Variants in TMPRSS11A observed in about 807,000 individuals in gnomAD.
TMPRSS11A encodes transmembrane protease serine 11A.
In TMPRSS11A, 53 loss-of-function variants were observed where a neutral mutation model predicts 58.9. The ratio of observed to expected loss-of-function variants is 0.90; its 90% CI spans 0.72 to 1.13. The LOEUF (loss-of-function observed/expected upper bound fraction) is 1.13, where lower values mean the gene tolerates loss of function less well. TMPRSS11A is among the 50% of genes most tolerant of loss of function. TMPRSS11A has a pLI of 0.00. For synonymous variants in TMPRSS11A, 167 were observed against 169.8 expected (o/e 0.98, Z 0.13); for missense variants, 493 against 499.3 (o/e 0.99, Z 0.12).
chr4:67,926,322 C>T (rs552355496), intron 5 of TMPRSS11A, among the ~76,000 whole-genome samples: 1 of 152,198 alleles, frequency 6.6e-6, no homozygotes, highest in African/African-American at 2.4e-5. Flanking sequence ...AGAATCTCTA[C>T]AGTTTTCTAT....
Position 67,946,531 on chromosome 4 carries a change from A to G in TMPRSS11A, c.52T>C (p.Trp18Arg), listed in dbSNP as rs1171738664. The change falls in exon 2 of 10, where the codon TGG (tryptophan) becomes CGG (arginine). Residue 18 changes from tryptophan (W) to arginine (R), a missense_variant. Transcript: ENST00000508048. The part of the protein sequence containing the change: ...FGTRSRNLKP[W>R]MIAVLIVLSL... The stretch of plus-strand genomic sequence containing the variant: ...AACACAATGAGAACGGCAATCATCC[A>G]TGGCTTCAGATTTCTGCTTCGGGTG... The G allele has an allele frequency of 3.1e-6, 5 of 1,611,992 alleles. No individual in the cohort carries two copies. The South Asian group carries it at 4.4e-5, about 14-fold the overall frequency.
rs138153586 is a variant in TMPRSS11A at position 67,926,472 on chromosome 4, C to T, written c.482-2306G>A. Among the ~76,000 whole-genome samples, 347 of 152,342 alleles carry T rather than the reference C, an allele frequency of 2.3e-3. 3 individuals carry two copies. Among genetic ancestry groups the T allele is most frequent in the African/African-American group, 8.0e-3 (332 of 41,568 alleles). On this transcript the variant is annotated intron_variant, in intron 5 of 9. Coordinates refer to ENST00000508048, the MANE Select transcript of TMPRSS11A (RefSeq NM_001114387.2). Reference sequence around the variant, plus strand: ...GATGGCAGCTACAGGCTGTCTGGAGCAGTGGTAGCAGGAGCGGATGCGGGA... The same window carrying T: ...GATGGCAGCTACAGGCTGTCTGGAGTAGTGGTAGCAGGAGCGGATGCGGGA...
At chr4:67,944,101 A>C (rs1029809322) in intron 3 of TMPRSS11A, among the ~76,000 whole-genome samples, 1 of 152,170 alleles carries the variant, frequency 6.6e-6, no homozygotes, top group African/African-American at 2.4e-5. Context: ...GATGAACGTA[A>C]ATTCTGAAAA....
intron 3 of TMPRSS11A, among the ~76,000 whole-genome samples, chr4:67,943,813 T>G (rs559072634): frequency 6.6e-6 from 1 of 152,164 alleles, no homozygotes; most frequent in South Asian, 2.1e-4. Context: ...GAAAGTGTCT[T>G]AAAAATGGTT....
At chr4:67,944,717 A>G in intron 2 of TMPRSS11A, 80 bp from the exon 3 acceptor site, 3 of 1,137,328 alleles carry the variant, frequency 2.6e-6, no homozygotes, top group Non-Finnish European at 2.5e-6. Flanking sequence ...GCCAATATAA[A>G]TCTTGAATAT....
intron 1 of TMPRSS11A, among the ~76,000 whole-genome samples, chr4:67,959,374 G>A (rs1324407318): frequency 2.6e-5 from 4 of 152,234 alleles, no homozygotes; most frequent in Middle Eastern, 3.4e-3. Context: ...TTAAACTAAA[G>A]AGTATCTGCA....
At chr4:67,924,960 A>G (rs1490557202) in intron 5 of TMPRSS11A, among the ~76,000 whole-genome samples, 1 of 143,472 alleles carries the variant, frequency 7.0e-6, no homozygotes, top group Non-Finnish European at 1.5e-5. Context: ...TTTACTTCGA[A>G]TTTCACATAA....
chr4:67,930,283 A>G (rs1720579759), intron 4 of TMPRSS11A, among the ~76,000 whole-genome samples: 2 of 152,190 alleles, frequency 1.3e-5, no homozygotes, highest in African/African-American at 4.8e-5. Flanking sequence ...TGACAGATAT[A>G]AAAAATCATC....
chr4:67,955,438 T>C (rs1721263181), intron 1 of TMPRSS11A, among the ~76,000 whole-genome samples: 1 of 152,218 alleles, frequency 6.6e-6, no homozygotes, highest in South Asian at 2.1e-4. Context: ...TTGTACGATA[T>C]GGTATCAGGT....
intron 3 of TMPRSS11A, among the ~76,000 whole-genome samples, chr4:67,935,453 CCTCTGT>C (rs1720729421): frequency 1.3e-5 from 2 of 152,064 alleles, no homozygotes; most frequent in African/African-American, 4.8e-5. Flanking sequence ...ACCTGTCTTC[CCTCTGT>C]CTCAATTTTT....
intron 1 of TMPRSS11A, among the ~76,000 whole-genome samples, chr4:67,947,299 T>C (rs1414193172): frequency 6.6e-6 from 1 of 152,198 alleles, no homozygotes; most frequent in Non-Finnish European, 1.5e-5. Context: ...TAATTACACA[T>C]GATTTGTAAA....
At chr4:67,918,927 C>T (rs769898552) in intron 8 of TMPRSS11A, 46 bp downstream of exon 8, 12 of 1,603,678 alleles carry the variant, frequency 7.5e-6, no homozygotes. Context: ...AATCACATTG[C>T]CTTAGACAGG....
At chr4:67,919,686 G>C (rs1285789597) in intron 7 of TMPRSS11A, among the ~76,000 whole-genome samples, 1 of 152,154 alleles carries the variant, frequency 6.6e-6, no homozygotes, top group Non-Finnish European at 1.5e-5. Flanking sequence ...AAATAAAATA[G>C]GGTAACGGAA....
intron 5 of TMPRSS11A, among the ~76,000 whole-genome samples, chr4:67,928,517 T>C (rs1451492287): frequency 6.6e-6 from 1 of 152,252 alleles, no homozygotes; most frequent in Non-Finnish European, 1.5e-5. Context: ...GCTTTTACAT[T>C]CCTGACAAAT....
At chr4:67,922,555 T>C (rs1031109881) in intron 7 of TMPRSS11A, among the ~76,000 whole-genome samples, 200 bp downstream of exon 7, 8 of 152,212 alleles carry the variant, frequency 5.3e-5, no homozygotes, top group African/African-American at 1.9e-4. Flanking sequence ...GATTGATGGA[T>C]ACTAGGATAA....
intron 5 of TMPRSS11A, among the ~76,000 whole-genome samples, chr4:67,924,717 C>G (rs1720421218): frequency 6.6e-6 from 1 of 152,162 alleles, no homozygotes; most frequent in Admixed American, 6.5e-5. Flanking sequence ...AAAGGGGAAG[C>G]CTCTTATAAA....
At chr4:67,912,226 G>A (rs1486577488) in intron 9 of TMPRSS11A, among the ~76,000 whole-genome samples, 3 of 151,880 alleles carry the variant, frequency 2.0e-5, no homozygotes, top group Non-Finnish European at 4.4e-5. Flanking sequence ...AATGTTCAAG[G>A]ACATCAGATA....
intron 5 of TMPRSS11A, among the ~76,000 whole-genome samples, chr4:67,927,175 G>C (rs1311018491): frequency 3.3e-5 from 5 of 152,192 alleles, no homozygotes; most frequent in African/African-American, 1.2e-4. Flanking sequence ...CAAATAGCAA[G>C]ACTGAAAGAG....
chr4:67,951,490 A>T (rs1721160692), intron 1 of TMPRSS11A, among the ~76,000 whole-genome samples: 1 of 152,162 alleles, frequency 6.6e-6, no homozygotes, highest in Non-Finnish European at 1.5e-5. Flanking sequence ...TTTCCTAGAA[A>T]AGCCTTCCCT....
Sources: allele counts gnomAD v4.1 joint callset (sites outside exome capture counted in the v4.1 genomes callset), GRCh38; gene constraint gnomAD v4.1.1; transcripts MANE v1.5; gene names NCBI Gene and HGNC (gene_info 2026-07-23, HGNC 2026-07-21).